KCNH8: variants seen among roughly 807,000 people sequenced by gnomAD.
KCNH8 encodes potassium voltage-gated channel subfamily H member 8.
Under a neutral mutation model 103.6 loss-of-function variants are expected in KCNH8, and 70 were observed. The observed-to-expected ratio is 0.68, with a 90% CI of 0.56 to 0.82. The LOEUF is 0.82. KCNH8 is among the 40% of genes least tolerant of loss of function. KCNH8 has a pLI of 0.00. For synonymous variants in KCNH8, 498 were observed against 489.4 expected, an observed-to-expected ratio of 1.02 and a Z score of -0.23; for missense variants, 1,217 against 1,329.9, an observed-to-expected ratio of 0.92 and a Z score of 1.32.
At chr3:19,383,517 G>T (rs1027949194) in intron 5 of KCNH8, among the ~76,000 whole-genome samples, 1 of 151,442 alleles carries the variant, frequency 6.6e-6, no homozygotes, top group East Asian at 2.0e-4. Context: ...GACTACAGGC[G>T]CCCGCCACTA....
At chr3:19,341,204 T>C (rs756557612) in intron 3 of KCNH8, among the ~76,000 whole-genome samples, 1 of 152,090 alleles carries the variant, frequency 6.6e-6, no homozygotes, top group Non-Finnish European at 1.5e-5. Context: ...CCCTTACCAG[T>C]AGTGCATTGC....
intron 2 of KCNH8, among the ~76,000 whole-genome samples, chr3:19,270,761 G>GCA (rs570490853): frequency 2.5e-4 from 38 of 152,262 alleles, no homozygotes; most frequent in African/African-American, 8.7e-4. Flanking sequence ...TTTGTTGTCT[G>GCA]CATATTCTTG....
At chr3:19,154,998 A>T (rs1313459649) in intron 1 of KCNH8, among the ~76,000 whole-genome samples, 1 of 152,232 alleles carries the variant, frequency 6.6e-6, no homozygotes, top group Non-Finnish European at 1.5e-5. Context: ...AACTGGAGCA[A>T]TTGAAGAGCT....
chr3:19,477,734 T>A (rs569186709), intron 11 of KCNH8, among the ~76,000 whole-genome samples: 1 of 152,330 alleles, frequency 6.6e-6, no homozygotes, highest in South Asian at 2.1e-4. Context: ...TCTTAAGATG[T>A]CTTACTATGA....
intron 1 of KCNH8, among the ~76,000 whole-genome samples, chr3:19,189,111 C>T (rs992649171): frequency 7.2e-5 from 11 of 152,030 alleles, no homozygotes; most frequent in African/African-American, 2.2e-4. Flanking sequence ...TTTTAGATGT[C>T]AGCTAAATCA....
At chr3:19,394,833 A>C (rs1413035483) in intron 6 of KCNH8, among the ~76,000 whole-genome samples, 4 of 152,002 alleles carry the variant, frequency 2.6e-5, no homozygotes, top group African/African-American at 9.7e-5. Context: ...TGCAGTATGA[A>C]ATCAGACAGG....
intron 1 of KCNH8, 32 bp from the exon 2 acceptor site, chr3:19,253,622 T>C: frequency 4.8e-6 from 7 of 1,471,752 alleles, no homozygotes; most frequent in East Asian, 2.3e-5. Flanking sequence ...ACTTATCTAG[T>C]TGCTGAGTAT....
intron 2 of KCNH8, among the ~76,000 whole-genome samples, chr3:19,279,651 A>G (rs1000066965): frequency 6.6e-6 from 1 of 152,084 alleles, no homozygotes; most frequent in African/African-American, 2.4e-5. Flanking sequence ...TTTATATTCC[A>G]TGTGTAACTT....
chr3:19,499,547 C>T (rs1037984315), intron 11 of KCNH8, among the ~76,000 whole-genome samples: 3 of 152,280 alleles, frequency 2.0e-5, no homozygotes, highest in East Asian at 1.9e-4. Flanking sequence ...ACAGAAAGGT[C>T]GGGTTACCCT....
intron 1 of KCNH8, among the ~76,000 whole-genome samples, chr3:19,210,812 G>T (rs1276177867): frequency 6.6e-6 from 1 of 152,140 alleles, no homozygotes; most frequent in Non-Finnish European, 1.5e-5. Flanking sequence ...TACAAAGTAG[G>T]TTCCTCTGAC....
At chr3:19,196,620 C>A (rs914450336) in intron 1 of KCNH8, among the ~76,000 whole-genome samples, 6 of 151,924 alleles carry the variant, frequency 3.9e-5, no homozygotes, top group African/African-American at 1.5e-4. Context: ...TGATTATTGT[C>A]TGTGGATGTG....
At chr3:19,226,994 C>T (rs989994330) in intron 1 of KCNH8, among the ~76,000 whole-genome samples, 1 of 152,156 alleles carries the variant, frequency 6.6e-6, no homozygotes, top group Non-Finnish European at 1.5e-5. Context: ...CAAGTCTTCA[C>T]CTGGATTCTT....
At chr3:19,456,070 A>G (rs1262962420) in intron 10 of KCNH8, among the ~76,000 whole-genome samples, 1 of 152,108 alleles carries the variant, frequency 6.6e-6, no homozygotes, top group African/African-American at 2.4e-5. Context: ...ATTGACAACA[A>G]TAAATCAGAC....
intron 3 of KCNH8, among the ~76,000 whole-genome samples, chr3:19,288,847 C>G (rs2064875150): frequency 6.6e-6 from 1 of 152,196 alleles, no homozygotes; most frequent in Admixed American, 6.5e-5. Context: ...GTCCCACCAA[C>G]AGTGTAAAAG....
chr3:19,164,663 T>C (rs2063265032), intron 1 of KCNH8, among the ~76,000 whole-genome samples: 1 of 152,236 alleles, frequency 6.6e-6, no homozygotes, highest in African/African-American at 2.4e-5. Flanking sequence ...TTGATGATCA[T>C]ACGTGACTTC....
At position 19,148,619 on chromosome 3, in the gene KCNH8, C is replaced by T. The variant is rs955227302; in HGVS notation, c.-101C>T. 8.6e-7 allele frequency: 1 copy of T among 1,157,048 alleles called. No homozygotes were observed. The highest frequency in any genetic ancestry group is 1.3e-6 in the Non-Finnish European group (1 of 763,622). 71.7% of individuals were successfully genotyped at this position (1,157,048 alleles called of 1,614,324 possible). On this transcript the variant is annotated 5_prime_UTR_variant, in exon 1 of 16. Transcript: ENST00000328405. ...CCCGCCGTCAGGCCGGGTCCCCCTT[C>T]CCTGCCGTCATCAGGTTCCCCTTCT...
intron 11 of KCNH8, among the ~76,000 whole-genome samples, chr3:19,485,568 C>T (rs1055503131): frequency 6.6e-6 from 1 of 152,188 alleles, no homozygotes. Context: ...GAAACTGTGG[C>T]ACAGCTACCT....
intron 5 of KCNH8, among the ~76,000 whole-genome samples, chr3:19,360,421 T>C (rs2065932939): frequency 6.6e-6 from 1 of 152,092 alleles, no homozygotes; most frequent in African/African-American, 2.4e-5. Context: ...TCCCTGTTTT[T>C]ATAGATAAAA....
chr3:19,522,047 CTTGCTGTATTT>C (rs1243334750), intron 15 of KCNH8, among the ~76,000 whole-genome samples: 1 of 151,848 alleles, frequency 6.6e-6, no homozygotes, highest in African/African-American at 2.4e-5. Flanking sequence ...AAATACTCTA[CTTGCTGTATTT>C]TATCATTTTA....
Sources: gnomAD v4.1 joint callset for allele counts (sites outside exome capture counted in the v4.1 genomes callset) on GRCh38, gnomAD v4.1.1 for gene constraint, MANE v1.5 for transcripts, NCBI Gene and HGNC (gene_info 2026-07-23, HGNC 2026-07-21) for gene names.